Variants in C8orf34 observed in about 807,000 individuals in gnomAD.
C8orf34 encodes uncharacterized protein C8orf34.
C8orf34 carries 65 observed loss-of-function variants against 68.3 expected under a neutral mutation model. The observed-to-expected ratio is 0.95, with a 90% CI of 0.78 to 1.17. The LOEUF (loss-of-function observed/expected upper bound fraction) is 1.17. Ranked by LOEUF, C8orf34 falls within the 50% of genes most tolerant of loss-of-function variation. The probability of loss-of-function intolerance (pLI) is 0.00; values close to 1 mark genes in which losing one functional copy is unlikely to be tolerated. For missense variants in C8orf34, 664 were observed against 655.4 expected (o/e 1.01, Z -0.14); for synonymous variants, 244 against 241.2 (o/e 1.01, Z -0.11).
intron 10 of C8orf34, among the ~76,000 whole-genome samples, chr8:68,757,127 GAA>G (rs2129527845): frequency 6.6e-6 from 1 of 152,232 alleles, no homozygotes; most frequent in East Asian, 1.9e-4. Flanking sequence ...GTGCAACTGA[GAA>G]AAGACACAAC....
At chr8:68,515,407 T>A (rs935156887) in intron 5 of C8orf34, among the ~76,000 whole-genome samples, 4 of 151,844 alleles carry the variant, frequency 2.6e-5, no homozygotes, top group Admixed American at 6.6e-5. Flanking sequence ...GAAGTTAATT[T>A]CTCATCTTCA....
At chr8:68,341,427 T>A (rs562610979) in intron 1 of C8orf34, among the ~76,000 whole-genome samples, 1 of 152,300 alleles carries the variant, frequency 6.6e-6, no homozygotes, top group South Asian at 2.1e-4. Context: ...GATTTAATGA[T>A]GTCACATATA....
At chr8:68,775,649 CCA>C in intron 10 of C8orf34, among the ~76,000 whole-genome samples, 1 of 152,092 alleles carries the variant, frequency 6.6e-6, no homozygotes, top group Non-Finnish European at 1.5e-5. Flanking sequence ...ATTTTTAAGT[CCA>C]TGTTTTAGAT....
At chr8:68,342,423 T>A (rs1185378061) in intron 1 of C8orf34, among the ~76,000 whole-genome samples, 4 of 152,144 alleles carry the variant, frequency 2.6e-5, no homozygotes, top group African/African-American at 9.7e-5. Context: ...GGAGAAAATA[T>A]TTTCAAAGCA....
At chr8:68,808,017 C>T (rs1206315447) in intron 12 of C8orf34, among the ~76,000 whole-genome samples, 2 of 152,068 alleles carry the variant, frequency 1.3e-5, no homozygotes, top group East Asian at 1.9e-4. Context: ...ATTTTACAAC[C>T]CTTCTTTAGG....
At chr8:68,650,495 T>TTG (rs1202451389) in intron 8 of C8orf34, among the ~76,000 whole-genome samples, 1 of 149,390 alleles carries the variant, frequency 6.7e-6, no homozygotes, top group African/African-American at 2.5e-5. Flanking sequence ...TTTTTTTTTT[T>TTG]TTGAGACGGA....
chr8:68,373,639 A>G (rs867008063), intron 1 of C8orf34, among the ~76,000 whole-genome samples: 1 of 152,200 alleles, frequency 6.6e-6, no homozygotes, highest in African/African-American at 2.4e-5. Context: ...ACTTAATGGT[A>G]AAATTTATTT....
intron 7 of C8orf34, among the ~76,000 whole-genome samples, chr8:68,636,372 G>A (rs948715626): frequency 7.9e-5 from 12 of 151,138 alleles, no homozygotes; most frequent in African/African-American, 1.9e-4. Flanking sequence ...TCAGGAGATC[G>A]AGAACATCCC....
chr8:68,433,714 A>G (rs963362752), intron 1 of C8orf34, among the ~76,000 whole-genome samples: 11 of 152,306 alleles, frequency 7.2e-5, no homozygotes, highest in African/African-American at 2.2e-4. Context: ...CTGTGCGCCC[A>G]AGTGCTCTTT....
chr8:68,757,629 AAAT>A (rs1822904446), intron 10 of C8orf34, among the ~76,000 whole-genome samples: 5 of 132,210 alleles, frequency 3.8e-5, no homozygotes, highest in Middle Eastern at 3.8e-3. Context: ...TCAAAAAAAT[AAAT>A]AAATAAATAA....
At chr8:68,747,850 A>T (rs1822556951) in intron 10 of C8orf34, among the ~76,000 whole-genome samples, 2 of 152,034 alleles carry the variant, frequency 1.3e-5, no homozygotes. Flanking sequence ...CCATCAAGCT[A>T]CCAATGACTT....
chr8:68,795,431 T>C (rs1468524426), intron 12 of C8orf34, among the ~76,000 whole-genome samples: 1 of 152,072 alleles, frequency 6.6e-6, no homozygotes, highest in African/African-American at 2.4e-5. Flanking sequence ...TATAACATAA[T>C]GTGGAAACTC....
At position 68,444,143 on chromosome 8, in the gene C8orf34, A is replaced by T. The variant is rs145906872; in HGVS notation, c.476-2186A>T. ...AAAGTGTTTTCTCTGTGTCACTGAT[A>T]CAATTTTCTACACTATCAGTTTTCT... On this transcript the variant is annotated intron_variant, in intron 2 of 13. Coordinates refer to ENST00000518698, the MANE Select transcript of C8orf34 (RefSeq NM_052958.4). Among the ~76,000 whole-genome samples, 328 of 152,274 alleles carry T rather than the reference A, an allele frequency of 2.2e-3. 1 individual carries two copies. The highest frequency in any genetic ancestry group is 7.1e-3 in the African/African-American group (295 of 41,570).
intron 4 of C8orf34, 141 bp from the exon 5 acceptor site, chr8:68,487,882 C>G (rs1001983203): frequency 8.9e-6 from 5 of 561,338 alleles, no homozygotes; most frequent in Non-Finnish European, 1.3e-5. Context: ...GGATGTGCCA[C>G]ATTATTTTGA....
intron 7 of C8orf34, chr8:68,534,147 G>A: frequency 1.0e-6 from 1 of 985,072 alleles, no homozygotes; most frequent in Non-Finnish European, 1.2e-6. Context: ...TTTTTGCATA[G>A]GCCTACAAAG....
intron 8 of C8orf34, among the ~76,000 whole-genome samples, chr8:68,674,451 G>A (rs894327405): frequency 2.6e-5 from 4 of 152,084 alleles, no homozygotes; most frequent in African/African-American, 9.7e-5. Context: ...TTAACAAAGA[G>A]ATTGAAATAA....
intron 1 of C8orf34, among the ~76,000 whole-genome samples, chr8:68,334,402 T>C (rs1423651483): frequency 6.6e-6 from 1 of 151,538 alleles, no homozygotes; most frequent in Non-Finnish European, 1.5e-5. Context: ...GATGTAATGG[T>C]TTACATCTTA....
At chr8:68,363,212 T>C (rs1340104541) in intron 1 of C8orf34, among the ~76,000 whole-genome samples, 4 of 96,632 alleles carry the variant, frequency 4.1e-5, no homozygotes, top group African/African-American at 8.1e-5. Context: ...TAAAAAGAAA[T>C]GAGCAAAACC....
At position 68,575,167 on chromosome 8, in the gene C8orf34, G is replaced by A. The variant is rs1816865652; in HGVS notation, c.1105+42018G>A. On this transcript the variant is annotated intron_variant, in intron 7 of 13. Coordinates refer to ENST00000518698, the MANE Select transcript of C8orf34 (RefSeq NM_052958.4). ...GTCATTAGGAGAAAAGCACAAGGATGTCATAAGTTTATAATTTTTGCTTAT... is the reference window on the plus strand; with the variant it reads ...GTCATTAGGAGAAAAGCACAAGGATATCATAAGTTTATAATTTTTGCTTAT... Among the ~76,000 whole-genome samples, 8 of 152,028 alleles carry A rather than the reference G, an allele frequency of 5.3e-5. 1 individual carries two copies. The highest frequency in any genetic ancestry group is 5.2e-4 in the Admixed American group (8 of 15,244).
Sources: gnomAD v4.1 joint callset for allele counts (sites outside exome capture counted in the v4.1 genomes callset) on GRCh38, gnomAD v4.1.1 for gene constraint, MANE v1.5 for transcripts, NCBI Gene and HGNC (gene_info 2026-07-23, HGNC 2026-07-21) for gene names.